Variants in XKR6 observed in about 807,000 individuals in gnomAD.
XKR6 encodes the protein XK-related protein 6.
XKR6 carries 22 observed loss-of-function variants against 56.7 expected under a neutral mutation model. The observed-to-expected ratio is 0.39, with a 90% confidence interval of 0.28 to 0.55. The LOEUF (loss-of-function observed/expected upper bound fraction) is 0.55, where lower values mean the gene tolerates loss of function less well. XKR6 is among the 20% of genes least tolerant of loss of function. The probability of loss-of-function intolerance (pLI) is 0.66; values close to 1 mark genes in which losing one functional copy is unlikely to be tolerated. For missense variants in XKR6, 852 were observed against 889.0 expected, an observed-to-expected ratio of 0.96 and a Z score of 0.53; for synonymous variants, 524 against 387.8, an observed-to-expected ratio of 1.35 and a Z score of -4.13.
At chr8:10,951,979 AG>A (rs1246742594) in intron 1 of XKR6, among the ~76,000 whole-genome samples, 5 of 152,118 alleles carry the variant, frequency 3.3e-5, no homozygotes, top group African/African-American at 1.2e-4. Flanking sequence ...TAGCTGGCTG[AG>A]AAAAAGCCAG....
chr8:11,172,957 A>C (rs141212397), intron 1 of XKR6, among the ~76,000 whole-genome samples: 2 of 152,340 alleles, frequency 1.3e-5, no homozygotes, highest in East Asian at 3.9e-4. Flanking sequence ...ATTGTATAAA[A>C]TCTATTATCC....
chr8:11,201,172 G>A lies in XKR6; in HGVS notation c.168C>T (p.Ile56=), dbSNP rs1481719532. 2 of 1,527,064 alleles carry A rather than the reference G, an allele frequency of 1.3e-6. No homozygotes were observed. Among genetic ancestry groups the A allele is most frequent in the Non-Finnish European group, 1.7e-6 (2 of 1,143,714 alleles). 94.6% of individuals were successfully genotyped at this position (1,527,064 alleles called of 1,614,324 possible). ...SEPGESSSMH[I]CHCCNTSSCY... ...ACGAGGAGGTGTTGCAGCAGTGGCA[G>A]ATGTGCATCGAGCTGCTCTCGCCGG... Residue 56 remains isoleucine, a synonymous_variant, in exon 1 of 3, where the codon ATC becomes ATT. Transcript: ENST00000416569.
At position 11,110,307 on chromosome 8, in the gene XKR6, A is replaced by G. The variant is rs557162010; in HGVS notation, c.764+90269T>C. ...CTACTTTATGTTTTCACTGTGCTTT[A>G]TATTAAATACATTACCAGCCAATTT... is the stretch of plus-strand genomic sequence containing the variant. On this transcript the variant is annotated intron_variant, in intron 1 of 2. Coordinates refer to ENST00000416569, the MANE Select transcript of XKR6 (RefSeq NM_173683.4). 4.6e-5 allele frequency among the ~76,000 whole-genome samples: 7 copies of G among 152,280 alleles called. No individual in the cohort carries two copies. The East Asian group carries it at 1.4e-3, about 29-fold the overall frequency.
chr8:10,901,009 G>A (rs991374696), intron 2 of XKR6, among the ~76,000 whole-genome samples: 12 of 150,394 alleles, frequency 8.0e-5, no homozygotes, highest in Non-Finnish European at 1.8e-4. Context: ...AGTGAGCCCA[G>A]CTAAGATTTT....
At position 11,201,123 on chromosome 8, in the gene XKR6, A is replaced by C; in HGVS notation, c.217T>G (p.Cys73Gly). 6.8e-7 allele frequency: 1 copy of C among 1,466,126 alleles called. No homozygotes were observed. Among genetic ancestry groups the C allele is most frequent in the Non-Finnish European group, 9.0e-7 (1 of 1,111,634 alleles). 90.8% of individuals were successfully genotyped at this position (1,466,126 alleles called of 1,614,324 possible). A position where few individuals can be genotyped will look rare whatever the true frequency, so the allele number is the denominator to read the frequency against. ...SSCYWGCRSA[C>G]LRSLLGRKPR... ...TTCCTGCCCAGGAGGGAGCGCAGGC[A>C]GGCGGAGCGGCAGCCCCAGTAGCAC... The change falls in exon 1 of 3, where the codon TGC (cysteine) becomes GGC (glycine). Residue 73 changes from cysteine (C) to glycine (G), a missense_variant. This residue lies in a region of XKR6 where 417 missense variants were observed against 355.2 expected (regional missense o/e 1.17). Transcript: ENST00000416569.
chr8:11,085,439 GGTGT>G (rs142775403), intron 1 of XKR6, among the ~76,000 whole-genome samples: 13 of 151,198 alleles, frequency 8.6e-5, no homozygotes, highest in South Asian at 8.4e-4. Flanking sequence ...AGGTGAAAGA[GGTGT>G]GTGTGTGTGT....
rs76021416 is a variant in XKR6 at position 11,062,624 on chromosome 8, C to A, written c.765-137794G>T. ...TCTAGTTAAAACAATTTATCTAGAT[C>A]TTTTAAAAGCAAAGAATCCCACAAT... On this transcript the variant is annotated intron_variant, in intron 1 of 2. Transcript: ENST00000416569. 1,151 of 389,750 alleles carry A rather than the reference C, an allele frequency of 3.0e-3. 11 individuals carry two copies. The highest frequency in any genetic ancestry group is 0.022 in the African/African-American group (1,063 of 47,708). The allele number at this position is 389,750 out of a possible 1,614,324, so 24.1% of individuals were successfully genotyped here.
chr8:11,113,217 T>G (rs138083153), intron 1 of XKR6, among the ~76,000 whole-genome samples: 12 of 152,316 alleles, frequency 7.9e-5, no homozygotes, highest in Admixed American at 2.6e-4. Flanking sequence ...AACCACTTAT[T>G]TGAAATAATA....
chr8:11,044,300 C>T (rs549661647), intron 1 of XKR6, among the ~76,000 whole-genome samples: 4 of 152,306 alleles, frequency 2.6e-5, no homozygotes, highest in South Asian at 2.1e-4. Context: ...GCTTACTATG[C>T]GTGCATGCAT....
chr8:11,008,895 TC>T (rs1263546487), intron 1 of XKR6, among the ~76,000 whole-genome samples: 6 of 151,996 alleles, frequency 3.9e-5, no homozygotes, highest in Non-Finnish European at 8.8e-5. Context: ...ACAGCCTGGG[TC>T]CCATCACCCT....
At chr8:10,914,808 C>T in intron 2 of XKR6, among the ~76,000 whole-genome samples, 1 of 152,222 alleles carries the variant, frequency 6.6e-6, no homozygotes, top group Non-Finnish European at 1.5e-5. Context: ...CCCTGCTGGC[C>T]TCCTGGGTAG....
intron 1 of XKR6, among the ~76,000 whole-genome samples, chr8:10,997,976 C>G (rs1418993167): frequency 1.3e-5 from 2 of 152,262 alleles, no homozygotes; most frequent in African/African-American, 4.8e-5. Context: ...TACAAAGATT[C>G]TAACCCCACT....
Position 11,090,051 on chromosome 8 carries a change from T to C in XKR6, c.764+110525A>G, listed in dbSNP as rs115863698. Among the ~76,000 whole-genome samples the C allele has an allele frequency of 9.8e-3, 1,493 of 152,348 alleles. 17 individuals carry two copies. The highest frequency in any genetic ancestry group is 0.026 in the African/African-American group (1,100 of 41,574). The stretch of plus-strand genomic sequence containing the variant: ...CTTTAACAGTTGGACAGTATTATAG[T>C]ATTCTATTAAATGAATATTTGCAAT... On this transcript the variant is annotated intron_variant, in intron 1 of 2. Transcript: ENST00000416569.
In XKR6 at chr8:10,976,777, C is replaced by G. The variant is rs111969569; in HGVS notation, c.765-51947G>C. ...TGTCTCTCTCTCTCTCTCTCTCTCT[C>G]TGTCTCTCTCTCTCTCTCAGAGCAG... On this transcript the variant is annotated intron_variant, in intron 1 of 2. Transcript: ENST00000416569. Among the ~76,000 whole-genome samples, 24 of 134,286 alleles carry G rather than the reference C, an allele frequency of 1.8e-4. No homozygotes were observed. In the East Asian group the frequency reaches 2.2e-3, roughly 12 times the overall value. 88.1% of individuals were successfully genotyped at this position (134,286 alleles called of 152,430 possible).
At chr8:11,011,248 A>G (rs1375177376) in intron 1 of XKR6, among the ~76,000 whole-genome samples, 1 of 152,216 alleles carries the variant, frequency 6.6e-6, no homozygotes, top group Non-Finnish European at 1.5e-5. Flanking sequence ...ATACAGTGAC[A>G]TCAGTGCCAT....
chr8:11,113,696 C>G (rs1257432473), intron 1 of XKR6, among the ~76,000 whole-genome samples: 3 of 152,144 alleles, frequency 2.0e-5, no homozygotes, highest in African/African-American at 7.2e-5. Context: ...CTCCTAATGG[C>G]TCAGGTTTTT....
chr8:11,121,641 T>C (rs1799460351), intron 1 of XKR6, among the ~76,000 whole-genome samples: 1 of 152,214 alleles, frequency 6.6e-6, no homozygotes, highest in Non-Finnish European at 1.5e-5. Context: ...TCCTCAGGGA[T>C]CTAGAACGGG....
chr8:11,012,847 C>G (rs564139389), intron 1 of XKR6, among the ~76,000 whole-genome samples: 1 of 152,318 alleles, frequency 6.6e-6, no homozygotes, highest in Non-Finnish European at 1.5e-5. Flanking sequence ...ATAAATGCAA[C>G]TCCATTCTAA....
chr8:11,070,916 A>G (rs1800098599), intron 1 of XKR6, among the ~76,000 whole-genome samples: 1 of 152,190 alleles, frequency 6.6e-6, no homozygotes, highest in Admixed American at 6.5e-5. Flanking sequence ...AGTACATGGC[A>G]GGTAAGAATA....
Sources: gnomAD v4.1 joint callset for allele counts (sites outside exome capture counted in the v4.1 genomes callset) on GRCh38, gnomAD v4.1.1 for gene constraint, gnomAD v4.1.1 regional missense constraint, MANE v1.5 for transcripts, NCBI Gene and HGNC (gene_info 2026-07-23, HGNC 2026-07-21) for gene names.